SPRED2: variants seen among roughly 807,000 people sequenced by gnomAD.
SPRED2 encodes sprouty-related, EVH1 domain-containing protein 2.
Under a neutral mutation model 43.0 loss-of-function variants are expected in SPRED2, and 47 were observed. The observed-to-expected ratio is 1.09, with a 90% confidence interval of 0.87 to 1.40. The LOEUF (loss-of-function observed/expected upper bound fraction) is 1.40. Ranked by LOEUF, SPRED2 falls within the 40% of genes most tolerant of loss-of-function variation. The pLI is 0.00. For missense variants in SPRED2, 561 were observed against 586.4 expected (o/e 0.96, Z 0.45); for synonymous variants, 225 against 225.7 (o/e 1.00, Z 0.03).
intron 1 of SPRED2, among the ~76,000 whole-genome samples, chr2:65,373,052 G>A (rs1444805476): frequency 6.6e-6 from 1 of 152,234 alleles, no homozygotes; most frequent in Non-Finnish European, 1.5e-5. Flanking sequence ...ACATGGAAAT[G>A]TCTTCTAAGA....
At chr2:65,383,127 C>T (rs1037861919) in intron 1 of SPRED2, among the ~76,000 whole-genome samples, 2 of 152,212 alleles carry the variant, frequency 1.3e-5, no homozygotes, top group African/African-American at 4.8e-5. Flanking sequence ...GCTAGCTTGG[C>T]GTCTGTAAGC....
chr2:65,337,372 C>A (rs891660834), intron 2 of SPRED2, among the ~76,000 whole-genome samples: 1 of 151,158 alleles, frequency 6.6e-6, no homozygotes, highest in African/African-American at 2.4e-5. Flanking sequence ...AAGATGCATA[C>A]GGAGAAAAAA....
At chr2:65,348,669 T>G (rs1674420857) in intron 1 of SPRED2, among the ~76,000 whole-genome samples, 1 of 151,308 alleles carries the variant, frequency 6.6e-6, no homozygotes, top group African/African-American at 2.4e-5. Flanking sequence ...CTGGGCTTGA[T>G]GGTGGGCGCC....
intron 1 of SPRED2, among the ~76,000 whole-genome samples, chr2:65,373,375 A>G (rs375231341): frequency 5.4e-4 from 82 of 152,318 alleles, no homozygotes; most frequent in African/African-American, 1.9e-3. Flanking sequence ...ATCAAGACCA[A>G]TGGATTGGGA....
chr2:65,371,565 G>C (rs1246350933), intron 1 of SPRED2, among the ~76,000 whole-genome samples: 1 of 152,118 alleles, frequency 6.6e-6, no homozygotes, highest in Non-Finnish European at 1.5e-5. Context: ...TAGTAGAGCC[G>C]GGCCTTCAGT....
chr2:65,398,873 G>T (rs200031830), intron 1 of SPRED2, among the ~76,000 whole-genome samples: 2 of 83,872 alleles, frequency 2.4e-5, no homozygotes, highest in African/African-American at 5.8e-5. Flanking sequence ...ACTGGGAAAA[G>T]AAGTCATTAT....
chr2:65,327,277 T>C (rs2104179812), intron 4 of SPRED2, among the ~76,000 whole-genome samples: 1 of 152,296 alleles, frequency 6.6e-6, no homozygotes, highest in South Asian at 2.1e-4. Flanking sequence ...TCAAGTAACC[T>C]TGAATAAATA....
At position 65,313,300 on chromosome 2, in the gene SPRED2, T is replaced by G. The variant is rs375623089; in HGVS notation, c.*201A>C. 7.6e-4 allele frequency: 1,078 copies of G among 1,427,352 alleles called. 5 individuals carry two copies. The African/African-American group carries it at 0.015, about 19-fold the overall frequency. 88.4% of individuals were successfully genotyped at this position (1,427,352 alleles called of 1,614,324 possible). A position where few individuals can be genotyped will look rare whatever the true frequency, so the allele number is the denominator to read the frequency against. Reference sequence around the variant, plus strand: ...AGCGTGTGTGTATGGATGTGGCTGCTGCAGTGTGGGCGGCAGGGGGAGTGG... The same window carrying G: ...AGCGTGTGTGTATGGATGTGGCTGCGGCAGTGTGGGCGGCAGGGGGAGTGG... On this transcript the variant is annotated 3_prime_UTR_variant, in exon 6 of 6. Transcript: ENST00000356388.
intron 1 of SPRED2, among the ~76,000 whole-genome samples, chr2:65,431,723 G>A (rs1676700308): frequency 6.6e-6 from 1 of 152,092 alleles, no homozygotes; most frequent in Non-Finnish European, 1.5e-5. Context: ...GCACGCCCTT[G>A]GCCCCCGGAG....
chr2:65,318,887 A>G (rs756206397), intron 4 of SPRED2, among the ~76,000 whole-genome samples: 2 of 152,004 alleles, frequency 1.3e-5, no homozygotes, highest in Non-Finnish European at 1.5e-5. Context: ...GGCTCAAGTG[A>G]TCCTCCTGCT....
chr2:65,341,126 TG>T (rs1674171373), intron 2 of SPRED2, among the ~76,000 whole-genome samples: 1 of 150,188 alleles, frequency 6.7e-6, no homozygotes, highest in African/African-American at 2.5e-5. Context: ...TGTGTGTGTG[TG>T]TGCATGTGCA....
chr2:65,424,422 C>G (rs894047235), intron 1 of SPRED2, among the ~76,000 whole-genome samples: 2 of 151,968 alleles, frequency 1.3e-5, no homozygotes, highest in Non-Finnish European at 2.9e-5. Context: ...TTACAGAAAG[C>G]CTACTATGTG....
intron 1 of SPRED2, among the ~76,000 whole-genome samples, chr2:65,375,626 G>T (rs1445245450): frequency 6.6e-6 from 1 of 152,208 alleles, no homozygotes; most frequent in African/African-American, 2.4e-5. Context: ...TATTTTGTAG[G>T]TAGAAACCTA....
intron 3 of SPRED2, 77 bp from the exon 4 acceptor site, chr2:65,332,128 T>C: frequency 1.1e-6 from 1 of 912,528 alleles, no homozygotes. Context: ...AAGTATATTT[T>C]AATAAAACCA....
chr2:65,346,021 A>C (rs1194750753), intron 1 of SPRED2, among the ~76,000 whole-genome samples: 1 of 152,190 alleles, frequency 6.6e-6, no homozygotes, highest in Admixed American at 6.5e-5. Context: ...CAGGCGTTAT[A>C]ACAGATTCTC....
chr2:65,391,942 G>C (rs892104228), intron 1 of SPRED2, among the ~76,000 whole-genome samples: 1 of 151,918 alleles, frequency 6.6e-6, no homozygotes, highest in Admixed American at 6.6e-5. Flanking sequence ...TATTTATTTA[G>C]TCAACTATAT....
At chr2:65,357,582 G>A (rs1049075642) in intron 1 of SPRED2, among the ~76,000 whole-genome samples, 2 of 152,216 alleles carry the variant, frequency 1.3e-5, no homozygotes, top group African/African-American at 4.8e-5. Context: ...GCATATTCAA[G>A]TTAGGTGCTC....
chr2:65,353,687 C>T (rs1223005799), intron 1 of SPRED2, among the ~76,000 whole-genome samples: 1 of 151,958 alleles, frequency 6.6e-6, no homozygotes, highest in Admixed American at 6.6e-5. Flanking sequence ...ATTCTATGTG[C>T]CTCTATACTT....
rs57773854 is a variant in SPRED2 at position 65,387,357 on chromosome 2, GGT to G, written c.27-42463_27-42462del. Among the ~76,000 whole-genome samples, 307 of 152,298 alleles carry G rather than the reference GGT, an allele frequency of 2.0e-3. 2 individuals are homozygous for G. Among genetic ancestry groups the G allele is most frequent in the African/African-American group, 6.9e-3 (287 of 41,570 alleles). Reference sequence around the variant, plus strand: ...CCACACAAGGAATCATATTCACAGAGGTGTCTTGTTTCCATAGCTAAAACAGT... The same window carrying G: ...CCACACAAGGAATCATATTCACAGAGGTCTTGTTTCCATAGCTAAAACAGT... On this transcript the variant is annotated intron_variant, in intron 1 of 5. Coordinates refer to ENST00000356388, the MANE Select transcript of SPRED2 (RefSeq NM_181784.3).
Sources: gnomAD v4.1 joint callset for allele counts (sites outside exome capture counted in the v4.1 genomes callset) on GRCh38, gnomAD v4.1.1 for gene constraint, MANE v1.5 for transcripts, NCBI Gene and HGNC (gene_info 2026-07-23, HGNC 2026-07-21) for gene names.